Variants in GABRA4 observed in about 807,000 individuals in gnomAD.
The protein encoded by GABRA4 is gamma-aminobutyric acid receptor subunit alpha-4.
A neutral mutation model predicts 49.7 loss-of-function variants in GABRA4; 12 were observed. The observed-to-expected ratio is 0.24, with a 90% confidence interval of 0.15 to 0.39. The LOEUF is 0.39. Among genes scored for constraint, GABRA4 ranks in the 10% least tolerant of loss-of-function variants. The pLI, the probability that GABRA4 is intolerant of heterozygous loss-of-function variation, is 1.00. For missense variants in GABRA4, 506 were observed against 686.0 expected (o/e 0.74, Z 2.93); for synonymous variants, 288 against 240.2 (o/e 1.20, Z -1.84).
Position 46,927,341 on chromosome 4 carries a change from G to T in GABRA4, c.*884C>A, listed in dbSNP as rs1161868832. On this transcript the variant is annotated 3_prime_UTR_variant, in exon 9 of 9. Coordinates refer to ENST00000264318, the MANE Select transcript of GABRA4 (RefSeq NM_000809.4). ...GGCTGAAAAATATTTTGAATATGTT[G>T]TCAGACTCTAAATAAATGTCCTTCA... The T allele has an allele frequency of 1.3e-5, 2 of 152,494 alleles. No individual in the cohort carries two copies. Among genetic ancestry groups the T allele is most frequent in the East Asian group, 1.9e-4 (1 of 5,158 alleles). The allele number at this position is 152,494 out of a possible 1,614,324, so 9.4% of individuals were successfully genotyped here.
At chr4:46,939,866 A>G (rs541376332) in intron 8 of GABRA4, among the ~76,000 whole-genome samples, 25 of 152,074 alleles carry the variant, frequency 1.6e-4, no homozygotes, top group African/African-American at 5.3e-4. Flanking sequence ...ACTCCCATTC[A>G]TAATATTCTT....
chr4:46,926,873 T>C lies in GABRA4; in HGVS notation c.*1352A>G, dbSNP rs1479152033. The stretch of plus-strand genomic sequence containing the variant: ...ATCCTACCCGACAGCTATTTTTTTC[T>C]TTACTCCTTTCATTTGCTGCTCTCT... On this transcript the variant is annotated 3_prime_UTR_variant, in exon 9 of 9. Transcript: ENST00000264318. 6.6e-6 allele frequency: 1 copy of C among 151,926 alleles called. No homozygotes were observed. The highest frequency in any genetic ancestry group is 1.5e-5 in the Non-Finnish European group (1 of 67,912). The allele number at this position is 151,926 out of a possible 1,614,324, so 9.4% of individuals were successfully genotyped here. A position where few individuals can be genotyped will look rare whatever the true frequency, so the allele number is the denominator to read the frequency against.
At chr4:46,977,341 GAAGGAAGA>G (rs1466620818) in intron 4 of GABRA4, 61 bp downstream of exon 4, 29 of 910,948 alleles carry the variant, frequency 3.2e-5, no homozygotes, top group African/African-American at 5.2e-5. Flanking sequence ...AGGAAGGAAG[GAAGGAAGA>G]AAGGAAAGGA....
At chr4:46,954,750 T>C (rs1015225053) in intron 8 of GABRA4, among the ~76,000 whole-genome samples, 6 of 152,100 alleles carry the variant, frequency 3.9e-5, no homozygotes, top group African/African-American at 1.4e-4. Context: ...ACTGGAGAAC[T>C]GAGAGAGACA....
chr4:46,993,484 G>T lies in GABRA4; in HGVS notation c.-60C>A. The T allele has an allele frequency of 6.4e-7, 1 of 1,563,406 alleles. No individual in the cohort carries two copies. Among genetic ancestry groups the T allele is most frequent in the Non-Finnish European group, 8.8e-7 (1 of 1,134,754 alleles). On this transcript the variant is annotated 5_prime_UTR_variant, in exon 1 of 9. Coordinates refer to ENST00000264318, the MANE Select transcript of GABRA4 (RefSeq NM_000809.4). ...TTTCCAGGCTCTTCAGATGCCCTGA[G>T]CAGGGTGCGAGGAGAGGGCAGAGAG...
rs184488223 is a variant in GABRA4, at chr4:46,934,154, A to T, written c.1135-5399T>A. On this transcript the variant is annotated intron_variant, in intron 8 of 8. Coordinates refer to ENST00000264318, the MANE Select transcript of GABRA4 (RefSeq NM_000809.4). ...TAATAAAATGTAACTTAATCCTTGT[A>T]AATTAAAAACTAACAAGACTGATAA... Among the ~76,000 whole-genome samples the T allele has an allele frequency of 5.0e-3, 762 of 152,300 alleles. 4 individuals are homozygous for T. Among genetic ancestry groups the T allele is most frequent in the African/African-American group, 0.018 (731 of 41,582 alleles).
chr4:46,970,551 A>G (rs547729710), intron 7 of GABRA4, among the ~76,000 whole-genome samples: 13 of 151,480 alleles, frequency 8.6e-5, no homozygotes, highest in Admixed American at 1.3e-4. Context: ...AAAAAGAAAA[A>G]CCAATGTTTA....
At chr4:46,978,003 C>T (rs893189909) in intron 3 of GABRA4, among the ~76,000 whole-genome samples, 30 of 151,974 alleles carry the variant, frequency 2.0e-4, no homozygotes, top group African/African-American at 5.8e-4. Context: ...CACAATTAAT[C>T]GTGTAATTGT....
chr4:46,933,506 T>C (rs1354490595), intron 8 of GABRA4, among the ~76,000 whole-genome samples: 1 of 152,182 alleles, frequency 6.6e-6, no homozygotes, highest in Non-Finnish European at 1.5e-5. Context: ...ATTTGAGGCT[T>C]AAATCATTGC....
intron 6 of GABRA4, among the ~76,000 whole-genome samples, chr4:46,974,007 G>C (rs899651824): frequency 1.3e-5 from 2 of 151,706 alleles, no homozygotes; most frequent in Non-Finnish European, 2.9e-5. Flanking sequence ...TTCTGAATAA[G>C]AAAACCAACT....
intron 8 of GABRA4, among the ~76,000 whole-genome samples, chr4:46,945,988 G>T (rs1721965547): frequency 6.6e-6 from 1 of 152,114 alleles, no homozygotes; most frequent in Non-Finnish European, 1.5e-5. Flanking sequence ...AGGTAACATT[G>T]TCCTTGGGAA....
intron 8 of GABRA4, among the ~76,000 whole-genome samples, chr4:46,943,300 T>TAA (rs1721879010): frequency 6.6e-6 from 1 of 152,176 alleles, no homozygotes; most frequent in Non-Finnish European, 1.5e-5. Context: ...TGCTTCCTTC[T>TAA]GCCTTATTCT....
intron 8 of GABRA4, among the ~76,000 whole-genome samples, chr4:46,932,988 G>A (rs559700807): frequency 1.3e-5 from 2 of 152,010 alleles, no homozygotes; most frequent in Non-Finnish European, 2.9e-5. Context: ...TCTTACATTT[G>A]AAGAATATGC....
intron 8 of GABRA4, among the ~76,000 whole-genome samples, chr4:46,938,601 TTTCCAA>T (rs1721678361): frequency 2.0e-5 from 3 of 152,106 alleles, no homozygotes; most frequent in Admixed American, 1.3e-4. Flanking sequence ...GGAATTCCAA[TTTCCAA>T]TTCCAATTCC....
intron 8 of GABRA4, among the ~76,000 whole-genome samples, chr4:46,959,275 G>A (rs1307057082): frequency 6.6e-6 from 1 of 151,762 alleles, no homozygotes; most frequent in Non-Finnish European, 1.5e-5. Flanking sequence ...AGGATGGGTG[G>A]GCCAACCCAT....
intron 8 of GABRA4, among the ~76,000 whole-genome samples, chr4:46,943,242 T>A (rs1229434043): frequency 1.3e-5 from 2 of 152,142 alleles, no homozygotes; most frequent in Non-Finnish European, 2.9e-5. Flanking sequence ...TCTCAGAGAT[T>A]AGCACACTAT....
chr4:46,957,437 G>A (rs1560472071), intron 8 of GABRA4, among the ~76,000 whole-genome samples: 1 of 151,904 alleles, frequency 6.6e-6, no homozygotes, highest in Non-Finnish European at 1.5e-5. Flanking sequence ...AGTCTGGGAA[G>A]ACTAGTTATG....
intron 8 of GABRA4, among the ~76,000 whole-genome samples, chr4:46,942,158 G>T (rs1369054201): frequency 6.6e-6 from 1 of 151,960 alleles, no homozygotes; most frequent in African/African-American, 2.4e-5. Context: ...CATTCTTCTT[G>T]GTTCTGGTGA....
chr4:46,960,645 A>G (rs1363924219), intron 8 of GABRA4, among the ~76,000 whole-genome samples: 1 of 151,716 alleles, frequency 6.6e-6, no homozygotes, highest in Non-Finnish European at 1.5e-5. Context: ...AGATAAAAGT[A>G]GCAACATAAT....
Sources: allele counts gnomAD v4.1 joint callset (sites outside exome capture counted in the v4.1 genomes callset), GRCh38; gene constraint gnomAD v4.1.1; transcripts MANE v1.5; gene names NCBI Gene and HGNC (gene_info 2026-07-23, HGNC 2026-07-21).